EP400: variants seen among roughly 807,000 people sequenced by gnomAD.
The protein encoded by EP400 is E1A-binding protein p400.
Under a neutral mutation model 354.1 loss-of-function variants are expected in EP400, and 105 were observed. That is an observed-to-expected ratio of 0.30 (90% CI 0.25 to 0.35). The LOEUF (loss-of-function observed/expected upper bound fraction) is 0.35. EP400 is among the 10% of genes least tolerant of loss of function. The probability of loss-of-function intolerance (pLI) is 1.00; values close to 1 mark genes in which losing one functional copy is unlikely to be tolerated. For missense variants in EP400, 3,280 were observed against 4,121.0 expected (o/e 0.80, Z 5.59); for synonymous variants, 1,646 against 1,716.9 (o/e 0.96, Z 1.02).
At position 132,028,052 on chromosome 12, in the gene EP400, T is replaced by G; in HGVS notation, c.5145T>G (p.Asp1715Glu). 6.2e-7 allele frequency: 1 copy of G among 1,614,094 alleles called. No homozygotes were observed. Among genetic ancestry groups the G allele is most frequent in the Non-Finnish European group, 8.5e-7 (1 of 1,179,964 alleles). ...EKTRLLKERLDQIYLVNERRC... is the reference protein window; with the variant it reads ...EKTRLLKERLEQIYLVNERRC... ...CCAGACTCTTGAAAGAGCGCCTGGA[T>G]CAGATTTATTTAGTCAACGAGCGGC... Residue 1715 changes from aspartate to glutamate, a missense_variant, in exon 27 of 53, where the codon GAT (aspartate) becomes GAG (glutamate). By Grantham distance (45) the Asp-to-Glu change is conservative. Coordinates refer to ENST00000389561, the MANE Select transcript of EP400 (RefSeq NM_015409.5).
chr12:132,033,901 AT>A (rs1894607742), intron 30 of EP400, among the ~76,000 whole-genome samples: 5 of 151,986 alleles, frequency 3.3e-5, no homozygotes, highest in Admixed American at 2.6e-4. Context: ...TTGTTTTATT[AT>A]TATTTTTCTT....
chr12:132,010,326 C>T (rs1893725537), intron 15 of EP400, among the ~76,000 whole-genome samples: 1 of 152,152 alleles, frequency 6.6e-6, no homozygotes, highest in Admixed American at 6.5e-5. Context: ...ACCTCCTGAT[C>T]TGCCTCCCTC....
intron 15 of EP400, among the ~76,000 whole-genome samples, chr12:132,009,034 C>T (rs926287007): frequency 3.4e-5 from 5 of 144,978 alleles, no homozygotes; most frequent in African/African-American, 1.3e-4. Context: ...CCACCTCAGC[C>T]TCCTAAGGAG....
intron 15 of EP400, 26 bp downstream of exon 15, chr12:132,006,903 A>G: frequency 1.2e-6 from 2 of 1,613,352 alleles, no homozygotes; most frequent in Non-Finnish European, 1.7e-6. Flanking sequence ...TTTTTTTAAC[A>G]ATACCTATTT....
rs751146825 is a variant in EP400 at position 132,032,035 on chromosome 12, T to G, written c.5837T>G (p.Leu1946Arg). The part of the protein sequence containing the change: ...STHSRTTGIN[L>R]VEADTVVFYD... ...CACAGCCGTACCACAGGTATAAACC[T>G]TGTAGAGGCGGACACCGTCGTGTTT... Residue 1946 changes from leucine to arginine, a missense_variant, in exon 30 of 53, where the codon CTT (leucine) becomes CGT (arginine). Leu to Arg is a moderately radical substitution (Grantham distance 102). Coordinates refer to ENST00000389561, the MANE Select transcript of EP400 (RefSeq NM_015409.5). 2 of 1,614,094 alleles carry G rather than the reference T, an allele frequency of 1.2e-6. No homozygotes were observed. The highest frequency in any genetic ancestry group is 2.7e-5 in the African/African-American group (2 of 74,936).
Position 131,990,855 on chromosome 12 carries a change from CT to C in EP400, c.2629+144del, listed in dbSNP as rs1412771505. On this transcript the variant is annotated intron_variant, in intron 9 of 52. Coordinates refer to ENST00000389561, the MANE Select transcript of EP400 (RefSeq NM_015409.5). The surrounding 1 kb of genome is among the most constrained non-coding windows in gnomAD (Gnocchi z 4.2). ...CCAGCTGCCTGATTGTTACATTTCT[CT>C]TTGTGTGGCCATCCTAGTTTTATGC... is the stretch of plus-strand genomic sequence containing the variant. 3.1e-6 allele frequency: 2 copies of C among 654,886 alleles called. No homozygotes were observed. Among genetic ancestry groups the C allele is most frequent in the East Asian group, 5.2e-5 (2 of 38,694 alleles). The allele number at this position is 654,886 out of a possible 1,614,324, so 40.6% of individuals were successfully genotyped here.
chr12:132,026,551 CCAGCATGGT>C (rs1894312076), intron 25 of EP400, among the ~76,000 whole-genome samples: 1 of 152,200 alleles, frequency 6.6e-6, no homozygotes, highest in African/African-American at 2.4e-5. Context: ...GTCCTGCATG[CCAGCATGGT>C]CAGCAGTTCC....
intron 45 of EP400, 32 bp downstream of exon 45, chr12:132,055,240 T>G (rs747480482): frequency 6.8e-6 from 10 of 1,468,572 alleles, no homozygotes; most frequent in Non-Finnish European, 9.2e-6. Context: ...TTGTGCACCT[T>G]GACTGCATTC....
At chr12:132,069,430 A>G in intron 50 of EP400, 65 bp from the exon 51 acceptor site, 1 of 1,578,324 alleles carries the variant, frequency 6.3e-7, no homozygotes, top group Middle Eastern at 1.7e-4. Flanking sequence ...CAGAGCGGGC[A>G]GGCGTCCCGG....
Position 132,018,881 on chromosome 12 carries a change from C to T in EP400, c.4277+505C>T, listed in dbSNP as rs1012323392. On this transcript the variant is annotated intron_variant, in intron 21 of 52. Transcript: ENST00000389561. The surrounding 1 kb of genome is among the most constrained non-coding windows in gnomAD (Gnocchi z 4.0). ...GTCTAAATCTAGCAATTGGAAATAT[C>T]CAAAATCCTATGCTTGGGTTAAAAA... 6.6e-6 allele frequency among the ~76,000 whole-genome samples: 1 copy of T among 152,124 alleles called. No individual in the cohort carries two copies. Among genetic ancestry groups the T allele is most frequent in the Non-Finnish European group, 1.5e-5 (1 of 68,024 alleles).
rs1332013812 is a variant in EP400, at chr12:132,069,545, C to T, written c.8925C>T (p.Tyr2975=). 2.5e-6 allele frequency: 4 copies of T among 1,614,244 alleles called. No individual in the cohort carries two copies. The highest frequency in any genetic ancestry group is 1.1e-5 in the South Asian group (1 of 91,090). ...TTPGAQQKVA[Y]AAQPALKTQF... Reference sequence around the variant, plus strand: ...CTGGCGCGCAGCAGAAGGTTGCCTACGCCGCGCAGCCGGCCCTTAAGACCC... The same window carrying T: ...CTGGCGCGCAGCAGAAGGTTGCCTATGCCGCGCAGCCGGCCCTTAAGACCC... The change falls in exon 51 of 53, where the codon TAC becomes TAT. Residue 2975 remains tyrosine (Y), a synonymous_variant. Transcript: ENST00000389561.
chr12:131,960,204 T>C (rs1891832149), intron 1 of EP400, among the ~76,000 whole-genome samples: 1 of 152,182 alleles, frequency 6.6e-6, no homozygotes, highest in East Asian at 1.9e-4. Flanking sequence ...AGCTCACAGA[T>C]ACTCCTGTAG....
At position 132,013,400 on chromosome 12, in the gene EP400, T is replaced by TC; in HGVS notation, c.3612-87dup. 6.8e-7 allele frequency: 1 copy of TC among 1,474,970 alleles called. No homozygotes were observed. Among genetic ancestry groups the TC allele is most frequent in the East Asian group, 2.3e-5 (1 of 43,704 alleles). The allele number at this position is 1,474,970 out of a possible 1,614,324, so 91.4% of individuals were successfully genotyped here. ...TGACATTTGCGGTGTCAAATTACTG[T>TC]CCCTTTTCTCACACATTGTCAGAGA... is the stretch of plus-strand genomic sequence containing the variant. On this transcript the variant is annotated intron_variant, in intron 17 of 52. Coordinates refer to ENST00000389561, the MANE Select transcript of EP400 (RefSeq NM_015409.5). The surrounding 1 kb of genome is among the most constrained non-coding windows in gnomAD (Gnocchi z 4.5).
In EP400 at chr12:132,064,695, A is replaced by C; in HGVS notation, c.8362A>C (p.Lys2788Gln). ...PEHLIKMQKQ[K>Q]LQMPPQPPPP... ...ACACCTCATCAAAATGCAGAAGCAGAAACTGCAGATGCCCCCGCAGCCCCC... is the reference window on the plus strand; with the variant it reads ...ACACCTCATCAAAATGCAGAAGCAGCAACTGCAGATGCCCCCGCAGCCCCC... Residue 2788 changes from lysine (K) to glutamine (Q), a missense_variant, in exon 48 of 53, where the codon AAA becomes CAA. Transcript: ENST00000389561. The C allele has an allele frequency of 6.2e-7, 1 of 1,612,932 alleles. No homozygotes were observed. The highest frequency in any genetic ancestry group is 8.5e-7 in the Non-Finnish European group (1 of 1,179,144).
At chr12:132,010,786 AC>A (rs1415852258) in intron 15 of EP400, among the ~76,000 whole-genome samples, 2 of 152,168 alleles carry the variant, frequency 1.3e-5, no homozygotes, top group African/African-American at 4.8e-5. Context: ...TACTAAAAAT[AC>A]AAAAATTAGC....
chr12:131,953,579 A>G (rs1252122392), intron 1 of EP400, among the ~76,000 whole-genome samples: 1 of 152,232 alleles, frequency 6.6e-6, no homozygotes, highest in Admixed American at 6.5e-5. Context: ...AGCCCTAGAC[A>G]ATTTTCAAAT....
intron 1 of EP400, among the ~76,000 whole-genome samples, chr12:131,951,153 T>A (rs1238667197): frequency 6.7e-6 from 1 of 150,110 alleles, no homozygotes; most frequent in Non-Finnish European, 1.5e-5. Context: ...CCTGACCTCG[T>A]GATCCGCCCC....
In EP400 at chr12:131,961,692, C is replaced by T. The variant is rs546782007; in HGVS notation, c.1073C>T (p.Ser358Phe). 6.2e-7 allele frequency: 1 copy of T among 1,614,102 alleles called. No individual in the cohort carries two copies. Among genetic ancestry groups the T allele is most frequent in the African/African-American group, 1.3e-5 (1 of 75,058 alleles). Residue 358 changes from serine to phenylalanine, a missense_variant, in exon 2 of 53, where the codon TCT becomes TTT. Coordinates refer to ENST00000389561, the MANE Select transcript of EP400 (RefSeq NM_015409.5). ...PKKLEEIPPA[S>F]PEMAQMRKQC... ...AAGTTAGAGGAGATTCCCCCAGCCT[C>T]TCCGGAGATGGCACAGATGAGGAAG...
intron 47 of EP400, among the ~76,000 whole-genome samples, chr12:132,063,776 C>T (rs1895788478): frequency 6.6e-6 from 1 of 152,164 alleles, no homozygotes; most frequent in Non-Finnish European, 1.5e-5. Flanking sequence ...TATCCTGTTC[C>T]TGTCACACCA....
Sources: gnomAD v4.1 joint callset for allele counts (sites outside exome capture counted in the v4.1 genomes callset) on GRCh38, gnomAD v4.1.1 for gene constraint, Gnocchi (gnomAD v3.1) non-coding constraint, MANE v1.5 for transcripts, NCBI Gene and HGNC (gene_info 2026-07-23, HGNC 2026-07-21) for gene names.